Variants in ROBO2 observed in about 807,000 individuals in gnomAD.
ROBO2 encodes the protein roundabout guidance receptor 2.
A neutral mutation model predicts 160.8 loss-of-function variants in ROBO2; 53 were observed. That is an observed-to-expected ratio of 0.33 (90% CI 0.26 to 0.41). ROBO2 has a LOEUF of 0.41. ROBO2 is among the 10% of genes least tolerant of loss of function. The pLI is 1.00. For synonymous variants in ROBO2, 664 were observed against 611.7 expected (o/e 1.09, Z -1.26); for missense variants, 1,577 against 1,722.4 (o/e 0.92, Z 1.49).
intron 2 of ROBO2, among the ~76,000 whole-genome samples, chr3:77,317,897 A>T (rs1426222251): frequency 1.3e-4 from 1 of 7,598 alleles, no homozygotes; most frequent in East Asian, 4.0e-3. Context: ...GGGGGCTGCT[A>T]GGGGCGCTGC....
At chr3:76,654,139 A>G (rs1466753189) in intron 2 of ROBO2, among the ~76,000 whole-genome samples, 2 of 152,044 alleles carry the variant, frequency 1.3e-5, no homozygotes, top group African/African-American at 4.8e-5. Flanking sequence ...TACTGCTCAT[A>G]TTCCTCATTG....
At chr3:76,238,683 A>G (rs1471808201) in intron 2 of ROBO2, among the ~76,000 whole-genome samples, 2 of 151,372 alleles carry the variant, frequency 1.3e-5, no homozygotes, top group African/African-American at 4.9e-5. Flanking sequence ...AACCACCTCC[A>G]TGATCTAATC....
At chr3:76,035,385 A>G (rs2067072802) in intron 2 of ROBO2, among the ~76,000 whole-genome samples, 3 of 151,488 alleles carry the variant, frequency 2.0e-5, no homozygotes, top group African/African-American at 7.4e-5. Flanking sequence ...TTATCCCAGT[A>G]TGATTCAGAA....
intron 2 of ROBO2, among the ~76,000 whole-genome samples, chr3:76,702,502 A>C (rs2093066799): frequency 6.6e-6 from 1 of 150,996 alleles, no homozygotes; most frequent in South Asian, 2.1e-4. Flanking sequence ...GAAGTTATTT[A>C]TTTATTTTGT....
intron 6 of ROBO2, among the ~76,000 whole-genome samples, chr3:77,531,706 T>C (rs1305812468): frequency 6.6e-6 from 1 of 152,048 alleles, no homozygotes; most frequent in East Asian, 1.9e-4. Context: ...AAAATCACAG[T>C]TTTTTAAAAT....
intron 2 of ROBO2, among the ~76,000 whole-genome samples, chr3:76,966,512 T>C (rs1314662104): frequency 6.6e-6 from 1 of 152,184 alleles, no homozygotes; most frequent in Non-Finnish European, 1.5e-5. Flanking sequence ...TGTGTAACAT[T>C]GGAGTCTTAA....
intron 2 of ROBO2, among the ~76,000 whole-genome samples, chr3:77,202,862 T>G (rs568409134): frequency 6.6e-6 from 1 of 152,334 alleles, no homozygotes; most frequent in African/African-American, 2.4e-5. Context: ...TGACCAAGTT[T>G]AAGGCAAAGG....
At chr3:75,993,554 A>G (rs1052093313) in intron 2 of ROBO2, among the ~76,000 whole-genome samples, 6 of 152,136 alleles carry the variant, frequency 3.9e-5, no homozygotes, top group Admixed American at 3.3e-4. Flanking sequence ...ACAGCAGTTA[A>G]TTGATTTCTA....
intron 2 of ROBO2, among the ~76,000 whole-genome samples, chr3:76,148,736 A>G (rs1025015591): frequency 1.3e-5 from 2 of 152,018 alleles, no homozygotes; most frequent in Non-Finnish European, 2.9e-5. Context: ...CTTCCCTTGA[A>G]TCATAAGACA....
chr3:77,097,963 G>T (rs2071325692), intron 1 of ROBO2, 51 bp from the exon 2 acceptor site: 2 of 1,439,116 alleles, frequency 1.4e-6, no homozygotes, highest in Non-Finnish European at 1.9e-6. Flanking sequence ...GAAACCGAGG[G>T]TTTAGATAAG....
At chr3:77,142,700 G>T (rs938578804) in intron 2 of ROBO2, among the ~76,000 whole-genome samples, 2 of 152,156 alleles carry the variant, frequency 1.3e-5, no homozygotes, top group African/African-American at 4.8e-5. Flanking sequence ...CATTCAGGGT[G>T]CACAGGGCCT....
chr3:77,445,588 A>G (rs2080390607), intron 2 of ROBO2, among the ~76,000 whole-genome samples: 1 of 152,064 alleles, frequency 6.6e-6, no homozygotes, highest in African/African-American at 2.4e-5. Context: ...ATATTGTAAA[A>G]CAAGGTTAGA....
intron 2 of ROBO2, among the ~76,000 whole-genome samples, chr3:76,563,166 A>G (rs752084948): frequency 3.3e-5 from 5 of 152,272 alleles, no homozygotes; most frequent in South Asian, 2.1e-4. Context: ...GCAATGAGTC[A>G]GTCAATTAAC....
At chr3:77,266,097 A>G (rs1453328974) in intron 2 of ROBO2, among the ~76,000 whole-genome samples, 1 of 152,158 alleles carries the variant, frequency 6.6e-6, no homozygotes, top group Non-Finnish European at 1.5e-5. Context: ...CTGAGGTTTC[A>G]ATCAGTTTTT....
Position 77,101,809 on chromosome 3 carries a change from G to A in ROBO2, c.388+3469G>A, listed in dbSNP as rs145951117. Among the ~76,000 whole-genome samples the A allele has an allele frequency of 2.4e-3, 360 of 152,302 alleles. 5 individuals carry two copies. Among genetic ancestry groups the A allele is most frequent in the African/African-American group, 8.4e-3 (350 of 41,562 alleles). ...AATCCCAGCACTTTGGGAGGCCCAG[G>A]TGGGTGGATCACTTGAGGCCAGGAG... On this transcript the variant is annotated intron_variant, in intron 2 of 25. Transcript: ENST00000461745.
chr3:76,250,123 A>G (rs1444425761), intron 2 of ROBO2, among the ~76,000 whole-genome samples: 2 of 152,182 alleles, frequency 1.3e-5, no homozygotes, highest in Non-Finnish European at 2.9e-5. Context: ...TGTAATATCA[A>G]AATTGTATTC....
intron 2 of ROBO2, among the ~76,000 whole-genome samples, chr3:77,296,114 G>T (rs1441265466): frequency 6.6e-6 from 1 of 150,988 alleles, no homozygotes; most frequent in Non-Finnish European, 1.5e-5. Flanking sequence ...AAACGGGTAG[G>T]CTGAGTCTAG....
chr3:76,586,348 C>T (rs2086038593), intron 2 of ROBO2, among the ~76,000 whole-genome samples: 1 of 152,142 alleles, frequency 6.6e-6, no homozygotes, highest in African/African-American at 2.4e-5. Flanking sequence ...GATATTTAAA[C>T]AGATATGCCA....
At chr3:77,272,148 G>A (rs1335721202) in intron 2 of ROBO2, among the ~76,000 whole-genome samples, 3 of 152,142 alleles carry the variant, frequency 2.0e-5, no homozygotes, top group African/African-American at 7.2e-5. Flanking sequence ...TACAGAAACT[G>A]ATATTTTAAA....
Sources: allele counts gnomAD v4.1 joint callset (sites outside exome capture counted in the v4.1 genomes callset), GRCh38; gene constraint gnomAD v4.1.1; transcripts MANE v1.5; gene names NCBI Gene and HGNC (gene_info 2026-07-23, HGNC 2026-07-21).